The following ELF1 variants were observed in gnomAD, a reference collection of about 807,000 sequenced individuals.
ELF1 encodes the protein E74 like ETS transcription factor 1, also known as ETS-related transcription factor Elf-1.
In ELF1, 24 loss-of-function variants were observed where a neutral mutation model predicts 59.9. The observed-to-expected ratio is 0.40, with a 90% CI of 0.29 to 0.56. The LOEUF (loss-of-function observed/expected upper bound fraction) is 0.56. Ranked by LOEUF, ELF1 falls within the 20% of genes least tolerant of loss-of-function variation. The pLI is 0.44. For synonymous variants in ELF1, 248 were observed against 266.2 expected, an observed-to-expected ratio of 0.93 and a Z score of 0.67; for missense variants, 627 against 742.2, an observed-to-expected ratio of 0.84 and a Z score of 1.80.
intron 1 of ELF1, among the ~76,000 whole-genome samples, chr13:41,051,495 A>G (rs1180769494): frequency 6.6e-6 from 1 of 152,088 alleles, no homozygotes; most frequent in African/African-American, 2.4e-5. Context: ...AATGAATCCC[A>G]TTACAACCTT....
At chr13:40,945,079 A>G (rs1306269791) in intron 5 of ELF1, among the ~76,000 whole-genome samples, 1 of 152,212 alleles carries the variant, frequency 6.6e-6, no homozygotes, top group African/African-American at 2.4e-5. Flanking sequence ...AGAACCCTTC[A>G]TGAGACAGAT....
chr13:41,015,647 G>A (rs1199784620), intron 1 of ELF1, among the ~76,000 whole-genome samples: 1 of 152,116 alleles, frequency 6.6e-6, no homozygotes, highest in Non-Finnish European at 1.5e-5. Flanking sequence ...GAATTTCTGA[G>A]TTAAAACTGG....
At chr13:41,003,573 C>T (rs1002230429) in intron 1 of ELF1, among the ~76,000 whole-genome samples, 3 of 152,108 alleles carry the variant, frequency 2.0e-5, no homozygotes, top group African/African-American at 7.2e-5. Context: ...GTTGACAAGA[C>T]GACTGCAATT....
intron 2 of ELF1, among the ~76,000 whole-genome samples, chr13:40,963,468 A>T (rs1871976529): frequency 6.6e-6 from 1 of 152,218 alleles, no homozygotes; most frequent in Admixed American, 6.5e-5. Flanking sequence ...CTTCTGAGGT[A>T]CTTGCTTTTA....
chr13:41,031,337 G>A (rs1876154375), intron 1 of ELF1, among the ~76,000 whole-genome samples: 1 of 152,130 alleles, frequency 6.6e-6, no homozygotes, highest in Admixed American at 6.5e-5. Flanking sequence ...AACTGTAAGT[G>A]TGGACAAGTT....
At chr13:40,939,491 C>T (rs917579379) in intron 8 of ELF1, among the ~76,000 whole-genome samples, 2 of 152,020 alleles carry the variant, frequency 1.3e-5, no homozygotes, top group Non-Finnish European at 2.9e-5. Context: ...CCTATCAACA[C>T]AAATACAAAC....
chr13:41,050,360 A>T (rs1877034744), intron 1 of ELF1, among the ~76,000 whole-genome samples: 1 of 152,134 alleles, frequency 6.6e-6, no homozygotes, highest in Admixed American at 6.5e-5. Context: ...GCTGAATCAC[A>T]TTTCACTGTA....
intron 2 of ELF1, among the ~76,000 whole-genome samples, chr13:40,960,018 T>C (rs1871716456): frequency 6.6e-6 from 1 of 152,180 alleles, no homozygotes; most frequent in Non-Finnish European, 1.5e-5. Context: ...TCACCCATAT[T>C]CCCTCAGTTC....
rs540847417 is a variant in ELF1 at position 41,018,253 on chromosome 13, G to A, written c.-229+975C>T. Among the ~76,000 whole-genome samples, 10 of 152,262 alleles carry A rather than the reference G, an allele frequency of 6.6e-5. No individual in the cohort carries two copies. The East Asian group carries it at 1.9e-3, about 29-fold the overall frequency. On this transcript the variant is annotated intron_variant, in intron 1 of 8. Transcript: ENST00000239882. ...TGCACTCATCTTTACAGAGCACCTA[G>A]AACTTTAAGGCACAGTAGGATGTAT... is the stretch of plus-strand genomic sequence containing the variant.
intron 4 of ELF1, 61 bp from the exon 5 acceptor site, chr13:40,950,034 G>A (rs1870755203): frequency 7.3e-7 from 1 of 1,376,922 alleles, no homozygotes; most frequent in South Asian, 1.5e-5. Context: ...AAAAACGATT[G>A]AGAAAATTTC....
At chr13:41,017,115 A>C (rs2138383444) in intron 1 of ELF1, among the ~76,000 whole-genome samples, 1 of 151,234 alleles carries the variant, frequency 6.6e-6, no homozygotes, top group African/African-American at 2.4e-5. Flanking sequence ...ACAGTGAAAA[A>C]CAAAAAGTTG....
chr13:41,041,363 A>C (rs193208127), intron 1 of ELF1, among the ~76,000 whole-genome samples: 1 of 151,998 alleles, frequency 6.6e-6, no homozygotes. Flanking sequence ...CATCTCATTT[A>C]ATCCTCAAGA....
At chr13:41,024,646 G>C (rs1875821855) in intron 1 of ELF1, among the ~76,000 whole-genome samples, 1 of 152,056 alleles carries the variant, frequency 6.6e-6, no homozygotes, top group Admixed American at 6.5e-5. Flanking sequence ...CAATGTGCTT[G>C]GATTACAGGC....
intron 1 of ELF1, among the ~76,000 whole-genome samples, chr13:41,046,255 CT>C: frequency 6.6e-6 from 1 of 152,330 alleles, no homozygotes; most frequent in Non-Finnish European, 1.5e-5. Context: ...CAATCTGTGT[CT>C]TTTAATTGGA....
chr13:40,968,043 GCAA>G (rs1872291393), intron 2 of ELF1, among the ~76,000 whole-genome samples: 1 of 151,958 alleles, frequency 6.6e-6, no homozygotes, highest in Admixed American at 6.6e-5. Flanking sequence ...TCCACACTTA[GCAA>G]CAACATTTAG....
At chr13:40,993,055 C>T (rs750283999) in intron 1 of ELF1, 47 of 1,605,976 alleles carry the variant, frequency 2.9e-5, no homozygotes, top group Non-Finnish European at 4.0e-5. Context: ...AGGTTTCTTC[C>T]TGCTGGGGCC....
At chr13:41,054,067 CA>C (rs1350941135) in intron 1 of ELF1, among the ~76,000 whole-genome samples, 1 of 152,042 alleles carries the variant, frequency 6.6e-6, no homozygotes, top group Non-Finnish European at 1.5e-5. Context: ...TGAAAAAAAT[CA>C]GTACAACAAA....
exon 1 of ELF1, chr13:41,060,932 C>CGCCGCCGCT: frequency 2.7e-6 from 1 of 370,826 alleles, no homozygotes; most frequent in Non-Finnish European, 5.4e-6. Context: ...CCGCCGCCGC[C>CGCCGCCGCT]GCCGCCGCCG....
At chr13:41,056,693 T>C (rs1877298680) in intron 1 of ELF1, among the ~76,000 whole-genome samples, 1 of 152,140 alleles carries the variant, frequency 6.6e-6, no homozygotes, top group South Asian at 2.1e-4. Flanking sequence ...GGAACTTATA[T>C]TGACAGACTA....
Sources: allele counts gnomAD v4.1 joint callset (sites outside exome capture counted in the v4.1 genomes callset), GRCh38; gene constraint gnomAD v4.1.1; transcripts MANE v1.5; gene names NCBI Gene and HGNC (gene_info 2026-07-23, HGNC 2026-07-21).